The following POU6F2 variants were observed in gnomAD, a reference collection of about 807,000 sequenced individuals.
The protein encoded by POU6F2 is POU class 6 homeobox 2.
POU6F2 carries 31 observed loss-of-function variants against 71.3 expected under a neutral mutation model. That is an observed-to-expected ratio of 0.43 (90% confidence interval 0.33 to 0.59). The LOEUF (loss-of-function observed/expected upper bound fraction) is 0.59, where lower values mean the gene tolerates loss of function less well. Ranked by LOEUF, POU6F2 falls within the 20% of genes least tolerant of loss-of-function variation. POU6F2 has a pLI of 0.04. For synonymous variants in POU6F2, 347 were observed against 355.7 expected, an observed-to-expected ratio of 0.98 and a Z score of 0.27; for missense variants, 783 against 856.8, an observed-to-expected ratio of 0.91 and a Z score of 1.07.
At chr7:39,445,509 C>T (rs1219623690) in intron 7 of POU6F2, among the ~76,000 whole-genome samples, 1 of 152,196 alleles carries the variant, frequency 6.6e-6, no homozygotes, top group Non-Finnish European at 1.5e-5. Context: ...CTGGCAAGCT[C>T]CTGCTCATCC....
At position 39,008,353 on chromosome 7, in the gene POU6F2, C is replaced by T. The variant is rs923744120; in HGVS notation, c.105+30295C>T. 9.8e-4 allele frequency among the ~76,000 whole-genome samples: 149 copies of T among 152,126 alleles called. 2 individuals are homozygous for T. The highest frequency in any genetic ancestry group is 3.2e-3 in the African/African-American group (133 of 41,516). ...TTGAGAAGTGTCTGTTCATGTCCTTCGCCCACTTTTTGATGGGGTTGTTTT... is the reference window on the plus strand; with the variant it reads ...TTGAGAAGTGTCTGTTCATGTCCTTTGCCCACTTTTTGATGGGGTTGTTTT... On this transcript the variant is annotated intron_variant, in intron 1 of 9. Transcript: ENST00000518318.
At chr7:39,130,517 T>C (rs1485381557) in intron 2 of POU6F2, among the ~76,000 whole-genome samples, 1 of 152,118 alleles carries the variant, frequency 6.6e-6, no homozygotes, top group East Asian at 1.9e-4. Context: ...TGGCTTGGAC[T>C]TTTATCTCCC....
At chr7:39,249,503 G>A (rs940437128) in intron 4 of POU6F2, among the ~76,000 whole-genome samples, 4 of 152,140 alleles carry the variant, frequency 2.6e-5, no homozygotes, top group Non-Finnish European at 4.4e-5. Context: ...ATTACATTAC[G>A]CCTTTGATTT....
intron 2 of POU6F2, among the ~76,000 whole-genome samples, chr7:39,203,189 A>T (rs1793942152): frequency 6.6e-6 from 1 of 152,222 alleles, no homozygotes; most frequent in African/African-American, 2.4e-5. Flanking sequence ...ATGAGCCAAT[A>T]ATACCTTCTT....
At chr7:39,011,529 A>G (rs1221299693) in intron 1 of POU6F2, among the ~76,000 whole-genome samples, 1 of 139,632 alleles carries the variant, frequency 7.2e-6, no homozygotes, top group African/African-American at 2.7e-5. Context: ...TTACATTTAA[A>G]GTTAATATTG....
intron 1 of POU6F2, among the ~76,000 whole-genome samples, chr7:39,070,430 C>A (rs1424522656): frequency 2.0e-5 from 3 of 150,700 alleles, no homozygotes; most frequent in Non-Finnish European, 4.4e-5. Context: ...CACAAAGCAG[C>A]CTTTTGGAAG....
chr7:39,087,171 T>C (rs200640624), intron 2 of POU6F2, among the ~76,000 whole-genome samples: 1 of 117,504 alleles, frequency 8.5e-6, no homozygotes, highest in African/African-American at 3.8e-5. Context: ...TTTATTTATT[T>C]ATTTATTTAT....
chr7:39,266,684 C>A (rs1263984097), intron 4 of POU6F2, among the ~76,000 whole-genome samples: 2 of 137,648 alleles, frequency 1.5e-5, no homozygotes, highest in South Asian at 2.5e-4. Context: ...GCATGAGCCA[C>A]CGCACCTGGC....
chr7:39,459,615 GA>G, intron 8 of POU6F2, among the ~76,000 whole-genome samples: 1 of 152,296 alleles, frequency 6.6e-6, no homozygotes, highest in Admixed American at 6.5e-5. Context: ...AAAAGGAAGA[GA>G]AAAACTTTTC....
At chr7:39,161,393 T>A (rs1005031759) in intron 2 of POU6F2, among the ~76,000 whole-genome samples, 1 of 152,244 alleles carries the variant, frequency 6.6e-6, no homozygotes, top group African/African-American at 2.4e-5. Flanking sequence ...CTTAGTCTCA[T>A]TTCTGCAAAG....
intron 5 of POU6F2, among the ~76,000 whole-genome samples, chr7:39,343,118 G>A (rs900399515): frequency 1.3e-5 from 2 of 152,166 alleles, no homozygotes; most frequent in Non-Finnish European, 2.9e-5. Flanking sequence ...GACAGGAAAT[G>A]CAAGGGCAGA....
At chr7:39,286,334 G>A (rs1242294513) in intron 4 of POU6F2, among the ~76,000 whole-genome samples, 1 of 152,138 alleles carries the variant, frequency 6.6e-6, no homozygotes, top group South Asian at 2.1e-4. Flanking sequence ...GAAACATCCT[G>A]GCTCAGCAGT....
chr7:39,354,041 G>C (rs890531756), intron 5 of POU6F2, among the ~76,000 whole-genome samples: 3 of 152,182 alleles, frequency 2.0e-5, no homozygotes, highest in Non-Finnish European at 4.4e-5. Flanking sequence ...CAGGCGGCCC[G>C]GCAGGAGGCT....
chr7:39,064,857 G>A lies in POU6F2; in HGVS notation c.106-21003G>A, dbSNP rs1291207610. Among the ~76,000 whole-genome samples the A allele has an allele frequency of 2.0e-5, 3 of 151,838 alleles. No homozygotes were observed. In the East Asian group the frequency reaches 5.8e-4, roughly 29 times the overall value. On this transcript the variant is annotated intron_variant, in intron 1 of 9. Coordinates refer to ENST00000518318, the MANE Select transcript of POU6F2 (RefSeq NM_001370959.1). The stretch of plus-strand genomic sequence containing the variant: ...GATAAAAATTCCATTTCTATTGATG[G>A]GAAGATGCAATTGACATCTAATTGA...
At chr7:39,023,265 G>A (rs859530) in intron 1 of POU6F2, among the ~76,000 whole-genome samples, 1 of 151,974 alleles carries the variant, frequency 6.6e-6, no homozygotes, top group Non-Finnish European at 1.5e-5. Flanking sequence ...TGTGGATATT[G>A]TTTGCCAGTC....
chr7:39,217,297 G>A (rs1794263441), intron 4 of POU6F2, among the ~76,000 whole-genome samples: 1 of 142,472 alleles, frequency 7.0e-6, no homozygotes, highest in Admixed American at 6.9e-5. Flanking sequence ...AAATGTGCTT[G>A]ATTTTGTTGA....
chr7:39,152,438 C>T (rs1234793458), intron 2 of POU6F2, among the ~76,000 whole-genome samples: 6 of 152,140 alleles, frequency 3.9e-5, no homozygotes, highest in Admixed American at 6.5e-5. Flanking sequence ...GTTCTCTACC[C>T]GATCCAAACC....
chr7:39,212,325 G>A (rs1584604633), intron 4 of POU6F2, among the ~76,000 whole-genome samples: 2 of 152,300 alleles, frequency 1.3e-5, no homozygotes, highest in Admixed American at 1.3e-4. Context: ...CCTCTTATGA[G>A]CAAGGACTGA....
At chr7:39,002,102 T>A (rs1400918585) in intron 1 of POU6F2, 1 of 152,232 alleles carries the variant, frequency 6.6e-6, no homozygotes, top group Non-Finnish European at 1.5e-5. Flanking sequence ...TGATATTAAA[T>A]AAGTTGTTTA....
Sources: gnomAD v4.1 joint callset for allele counts (sites outside exome capture counted in the v4.1 genomes callset) on GRCh38, gnomAD v4.1.1 for gene constraint, MANE v1.5 for transcripts, NCBI Gene and HGNC (gene_info 2026-07-23, HGNC 2026-07-21) for gene names.